Variants in RYR3 observed in about 807,000 individuals in gnomAD.
The protein encoded by RYR3 is ryanodine receptor 3, also known as brain ryanodine receptor-calcium release channel.
Under a neutral mutation model 584.3 loss-of-function variants are expected in RYR3, and 207 were observed. The observed-to-expected ratio is 0.35, with a 90% CI of 0.32 to 0.40. The LOEUF (loss-of-function observed/expected upper bound fraction) is 0.40, where lower values mean the gene tolerates loss of function less well. RYR3 is among the 10% of genes least tolerant of loss of function. The pLI is 1.00. For synonymous variants in RYR3, 2,416 were observed against 2,248.5 expected, an observed-to-expected ratio of 1.07 and a Z score of -2.11; for missense variants, 5,616 against 6,089.2, an observed-to-expected ratio of 0.92 and a Z score of 2.59.
In RYR3 at chr15:33,800,815, C is replaced by A; in HGVS notation, c.9876C>A (p.Phe3292Leu). 1 of 1,613,838 alleles carries A rather than the reference C, an allele frequency of 6.2e-7. No individual in the cohort carries two copies. Among genetic ancestry groups the A allele is most frequent in the Non-Finnish European group, 8.5e-7 (1 of 1,179,736 alleles). Residue 3292 changes from phenylalanine (F) to leucine (L), a missense_variant, in exon 68 of 104, where the codon TTC becomes TTA. Phe to Leu is a conservative substitution (Grantham distance 22). This residue lies in a region of RYR3 where 954 missense variants were observed against 1,132.2 expected (regional missense o/e 0.84). Coordinates refer to ENST00000634891, the MANE Select transcript of RYR3 (RefSeq NM_001036.6). Reference sequence around the variant, plus strand: ...CTGATGCTGATTCTGACCAGCTCTTCCGCATGGTGGCAGAAGTCTTCATTC... The same window carrying A: ...CTGATGCTGATTCTGACCAGCTCTTACGCATGGTGGCAGAAGTCTTCATTC... ...KSPDADSDQL[F>L]RMVAEVFILW...
chr15:33,820,471 G>A (rs988219977), intron 77 of RYR3, among the ~76,000 whole-genome samples: 11 of 152,194 alleles, frequency 7.2e-5, no homozygotes, highest in Non-Finnish European at 1.5e-4. Flanking sequence ...ACCTTACTAA[G>A]GTAGAAGAGT....
At chr15:33,732,736 G>A (rs1002181193) in intron 48 of RYR3, among the ~76,000 whole-genome samples, 1 of 152,142 alleles carries the variant, frequency 6.6e-6, no homozygotes, top group Non-Finnish European at 1.5e-5. Context: ...GGCCACATCC[G>A]AGCCCAAAAA....
chr15:33,773,431 C>A lies in RYR3; in HGVS notation c.9056-103C>A, dbSNP rs929403537. On this transcript the variant is annotated intron_variant, in intron 63 of 103. Coordinates refer to ENST00000634891, the MANE Select transcript of RYR3 (RefSeq NM_001036.6). The stretch of plus-strand genomic sequence containing the variant: ...TTTGTTGAGAGAGAAAGGGAGAGAT[C>A]TTTTACTCTTTACTGATGCTCATGC... The A allele has an allele frequency of 3.8e-6, 3 of 794,772 alleles. No individual in the cohort carries two copies. In the African/African-American group the frequency reaches 5.2e-5, roughly 14 times the overall value. The allele number at this position is 794,772 out of a possible 1,614,324, so 49.2% of individuals were successfully genotyped here. A position where few individuals can be genotyped will look rare whatever the true frequency, so the allele number is the denominator to read the frequency against.
chr15:33,453,640 G>T (rs1217933023), intron 1 of RYR3, among the ~76,000 whole-genome samples: 1 of 152,138 alleles, frequency 6.6e-6, no homozygotes, highest in African/African-American at 2.4e-5. Context: ...CACAAATCCT[G>T]GTATACTTGG....
At chr15:33,849,063 C>G (rs1668285519) in intron 94 of RYR3, 1 of 152,362 alleles carries the variant, frequency 6.6e-6, no homozygotes, top group African/African-American at 2.4e-5. Context: ...GTCTCGATCT[C>G]CTGATCTGGT....
intron 1 of RYR3, among the ~76,000 whole-genome samples, chr15:33,376,615 T>A (rs1371535011): frequency 6.6e-6 from 1 of 152,200 alleles, no homozygotes; most frequent in Non-Finnish European, 1.5e-5. Flanking sequence ...GTTGCGACTA[T>A]AACAGCCAAC....
chr15:33,648,424 G>A (rs559586538), intron 30 of RYR3, among the ~76,000 whole-genome samples: 1 of 152,316 alleles, frequency 6.6e-6, no homozygotes, highest in Admixed American at 6.5e-5. Flanking sequence ...ACCTGCCTCA[G>A]AGCTGTAGCT....
chr15:33,407,455 A>C (rs975484332), intron 1 of RYR3, among the ~76,000 whole-genome samples: 3 of 152,158 alleles, frequency 2.0e-5, no homozygotes, highest in African/African-American at 7.2e-5. Flanking sequence ...CAGGAAGTCC[A>C]TGTTCCTGTG....
intron 3 of RYR3, among the ~76,000 whole-genome samples, chr15:33,529,998 A>G (rs74961589): frequency 0.084 from 12,774 of 152,248 alleles, 649 homozygotes; most frequent in Middle Eastern, 0.13. Flanking sequence ...GGTGAGGCAG[A>G]GAAGATACCT....
chr15:33,614,734 T>C (rs2060366019), intron 19 of RYR3, among the ~76,000 whole-genome samples: 3 of 152,206 alleles, frequency 2.0e-5, no homozygotes, highest in South Asian at 4.1e-4. Context: ...TGTTAAACTG[T>C]TTTTTATTGG....
rs116926961 is a variant in RYR3, at chr15:33,696,482, A to G, written c.6125A>G (p.Asn2042Ser). Residue 2042 changes from asparagine to serine, a missense_variant, in exon 39 of 104, where the codon AAT (asparagine) becomes AGT (serine). Asn to Ser is a conservative substitution (Grantham distance 46). Coordinates refer to ENST00000634891, the MANE Select transcript of RYR3 (RefSeq NM_001036.6). ...AAGGAAGAGGAGTTGCTCATGATCA[A>G]TGGGCTGGGGTAGGTGATTCACGGT... The part of the protein sequence containing the change: ...MGKEEELLMI[N>S]GLGDIMNNKV... 1.0e-3 allele frequency: 1,687 copies of G among 1,613,942 alleles called. 17 individuals carry two copies. In the Admixed American group the frequency reaches 0.018, roughly 17 times the overall value.
chr15:33,698,643 G>A (rs1315050695), intron 40 of RYR3, among the ~76,000 whole-genome samples: 1 of 150,994 alleles, frequency 6.6e-6, no homozygotes, highest in Non-Finnish European at 1.5e-5. Context: ...AGGAAGGGAT[G>A]ATTTCTGGTG....
intron 1 of RYR3, among the ~76,000 whole-genome samples, chr15:33,406,512 A>T (rs1284673146): frequency 1.3e-5 from 2 of 152,226 alleles, no homozygotes; most frequent in Non-Finnish European, 2.9e-5. Flanking sequence ...TACTCTGGAG[A>T]ATATTTCAAA....
intron 19 of RYR3, among the ~76,000 whole-genome samples, chr15:33,623,229 C>T (rs1295153632): frequency 2.0e-5 from 3 of 152,204 alleles, no homozygotes; most frequent in African/African-American, 4.8e-5. Context: ...ATGGCTGCTG[C>T]GGGGGAATGC....
chr15:33,569,016 A>G (rs2057870801), intron 12 of RYR3, among the ~76,000 whole-genome samples: 1 of 152,160 alleles, frequency 6.6e-6, no homozygotes, highest in South Asian at 2.1e-4. Context: ...GGTGAAGAGT[A>G]TTCTTGTGTG....
intron 43 of RYR3, among the ~76,000 whole-genome samples, chr15:33,721,299 C>T (rs2067888346): frequency 6.6e-6 from 1 of 152,174 alleles, no homozygotes; most frequent in Admixed American, 6.5e-5. Context: ...ACTGATGCTC[C>T]GGTCCCAGAC....
At position 33,500,097 on chromosome 15, in the gene RYR3, A is replaced by G. The variant is rs117085669; in HGVS notation, c.172-3534A>G. Among the ~76,000 whole-genome samples the G allele has an allele frequency of 6.1e-3, 932 of 152,338 alleles. 4 individuals are homozygous for G. Among genetic ancestry groups the G allele is most frequent in the South Asian group, 0.014 (68 of 4,830 alleles). On this transcript the variant is annotated intron_variant, in intron 2 of 103. Transcript: ENST00000634891. ...ACTTGAGTTGGGTGCTTACTATTCT[A>G]TGTACTTGGGATACCAACAATAGAA...
chr15:33,729,949 C>A (rs2068802784), intron 47 of RYR3, among the ~76,000 whole-genome samples: 1 of 152,028 alleles, frequency 6.6e-6, no homozygotes, highest in African/African-American at 2.4e-5. Context: ...GAAATATGAG[C>A]CCCAACCTGA....
intron 2 of RYR3, among the ~76,000 whole-genome samples, chr15:33,485,498 G>A (rs568349719): frequency 2.0e-5 from 3 of 152,146 alleles, no homozygotes; most frequent in African/African-American, 7.2e-5. Flanking sequence ...CAGTGGAAAG[G>A]CCTGGTGTTA....
Sources: allele counts gnomAD v4.1 joint callset (sites outside exome capture counted in the v4.1 genomes callset), GRCh38; gene constraint gnomAD v4.1.1; regional missense constraint gnomAD v4.1.1; transcripts MANE v1.5; gene names NCBI Gene and HGNC (gene_info 2026-07-23, HGNC 2026-07-21).